Variants in RAPGEF2 observed in about 807,000 individuals in gnomAD.
RAPGEF2 encodes Rap guanine nucleotide exchange factor 2, also known as PDZ domain containing guanine nucleotide exchange factor (GEF) 1.
Under a neutral mutation model 186.7 loss-of-function variants are expected in RAPGEF2, and 54 were observed. The observed-to-expected ratio is 0.29, with a 90% CI of 0.23 to 0.36. The LOEUF (loss-of-function observed/expected upper bound fraction) is 0.36. Among genes scored for constraint, RAPGEF2 ranks in the 10% least tolerant of loss-of-function variants. The probability of loss-of-function intolerance (pLI) is 1.00; values close to 1 mark genes in which losing one functional copy is unlikely to be tolerated. For missense variants in RAPGEF2, 1,532 were observed against 2,045.0 expected, an observed-to-expected ratio of 0.75 and a Z score of 4.84; for synonymous variants, 712 against 705.9, an observed-to-expected ratio of 1.01 and a Z score of -0.14.
At chr4:159,140,976 C>T (rs558188877) in intron 1 of RAPGEF2, among the ~76,000 whole-genome samples, 3 of 152,090 alleles carry the variant, frequency 2.0e-5, no homozygotes, top group South Asian at 2.1e-4. Flanking sequence ...GGACTGGAGG[C>T]GCCTGCCACC....
intron 20 of RAPGEF2, among the ~76,000 whole-genome samples, chr4:159,342,558 T>C (rs55902837): frequency 2.1e-5 from 1 of 48,556 alleles, no homozygotes; most frequent in Non-Finnish European, 5.0e-5. Flanking sequence ...TTTATATTAT[T>C]TTATTTTATT....
intron 1 of RAPGEF2, among the ~76,000 whole-genome samples, chr4:159,121,454 T>TCACTTGGACTCAAG (rs1346708027): frequency 2.0e-5 from 3 of 151,594 alleles, no homozygotes; most frequent in Non-Finnish European, 4.4e-5. Context: ...GCAGCCTCAA[T>TCACTTGGACTCAAG]CTCTTGGACT....
intron 3 of RAPGEF2, among the ~76,000 whole-genome samples, chr4:159,198,363 C>CTT (rs1351601997): frequency 7.8e-6 from 1 of 127,858 alleles, no homozygotes; most frequent in Non-Finnish European, 1.7e-5. Context: ...TCCTTCCTTC[C>CTT]TTTTTTTCTT....
chr4:159,190,946 C>A lies in RAPGEF2; in HGVS notation c.141-2254C>A, dbSNP rs550119941. 2.0e-5 allele frequency among the ~76,000 whole-genome samples: 3 copies of A among 152,314 alleles called. No individual in the cohort carries two copies. In the South Asian group the frequency reaches 6.2e-4, roughly 32 times the overall value. The stretch of plus-strand genomic sequence containing the variant: ...ATATTTTGGGGGAGAAATTCATATT[C>A]TGTCTTAGATATTGTAAGCATGAGG... On this transcript the variant is annotated intron_variant, in intron 2 of 29. Transcript: ENST00000691494.
intron 3 of RAPGEF2, among the ~76,000 whole-genome samples, chr4:159,202,605 C>G (rs952271984): frequency 2.0e-5 from 3 of 152,030 alleles, no homozygotes; most frequent in African/African-American, 7.2e-5. Flanking sequence ...GCTTTTCTTT[C>G]TTTCTTCGTT....
rs181528053 is a variant in RAPGEF2 at position 159,159,993 on chromosome 4, A to G, written c.70-26649A>G. 2.0e-5 allele frequency among the ~76,000 whole-genome samples: 3 copies of G among 152,360 alleles called. No homozygotes were observed. In the East Asian group the frequency reaches 5.8e-4, roughly 29 times the overall value. On this transcript the variant is annotated intron_variant, in intron 1 of 29. Coordinates refer to ENST00000691494, the MANE Select transcript of RAPGEF2 (RefSeq NM_001394067.2). ...TCTATATGGAAAAAAACCCACATTT[A>G]AACTCTAATAGCTAAGTATGAAATG...
At chr4:159,133,429 T>G (rs1019358117) in intron 1 of RAPGEF2, among the ~76,000 whole-genome samples, 3 of 152,044 alleles carry the variant, frequency 2.0e-5, no homozygotes, top group African/African-American at 7.2e-5. Context: ...ATTTTTTTTT[T>G]TTTTCAGAGT....
intron 7 of RAPGEF2, among the ~76,000 whole-genome samples, chr4:159,262,820 CAG>C (rs765014199): frequency 5.8e-5 from 8 of 137,670 alleles, no homozygotes; most frequent in Non-Finnish European, 1.2e-4. Context: ...AGTTTGCCGT[CAG>C]AAACTTTTTT....
At chr4:159,216,252 C>A (rs75649354) in intron 4 of RAPGEF2, among the ~76,000 whole-genome samples, 1 of 151,922 alleles carries the variant, frequency 6.6e-6, no homozygotes, top group East Asian at 1.9e-4. Flanking sequence ...GGCGATGAGG[C>A]GGTTGCATAG....
chr4:159,327,671 C>T lies in RAPGEF2; in HGVS notation c.1150-2187C>T, dbSNP rs1046225949. ...GATTCTCTCAAAAAAAAAAAAAACTCAAAGATTTTCAACTGACTTCATCAT... is the reference window on the plus strand; with the variant it reads ...GATTCTCTCAAAAAAAAAAAAAACTTAAAGATTTTCAACTGACTTCATCAT... On this transcript the variant is annotated intron_variant, in intron 11 of 29. Coordinates refer to ENST00000691494, the MANE Select transcript of RAPGEF2 (RefSeq NM_001394067.2). The T allele has an allele frequency of 2.7e-5, 4 of 149,448 alleles. No homozygotes were observed. In the East Asian group the frequency reaches 7.8e-4, roughly 29 times the overall value. The allele number at this position is 149,448 out of a possible 1,614,324, so 9.3% of individuals were successfully genotyped here.
intron 1 of RAPGEF2, among the ~76,000 whole-genome samples, chr4:159,179,741 G>T (rs978179994): frequency 6.6e-6 from 1 of 152,160 alleles, no homozygotes; most frequent in Non-Finnish European, 1.5e-5. Flanking sequence ...GAAAGGAGTG[G>T]GGGTAGCTCC....
chr4:159,124,250 A>G (rs1740038438), intron 1 of RAPGEF2, among the ~76,000 whole-genome samples: 1 of 151,800 alleles, frequency 6.6e-6, no homozygotes, highest in African/African-American at 2.4e-5. Context: ...CACAATATCT[A>G]GTAAGTCGGC....
chr4:159,357,516 T>G (rs1410473845), intron 29 of RAPGEF2, among the ~76,000 whole-genome samples: 2 of 152,172 alleles, frequency 1.3e-5, no homozygotes, highest in Non-Finnish European at 2.9e-5. Flanking sequence ...CTTTAAAGTT[T>G]TCAGTTTAAC....
chr4:159,337,095 T>A (rs187021147), intron 17 of RAPGEF2, among the ~76,000 whole-genome samples: 46 of 152,342 alleles, frequency 3.0e-4, no homozygotes, highest in Admixed American at 2.6e-3. Context: ...AGGCTTTTTA[T>A]AAATGGAAAT....
intron 4 of RAPGEF2, among the ~76,000 whole-genome samples, chr4:159,230,530 A>G (rs1019085610): frequency 2.6e-5 from 4 of 152,176 alleles, no homozygotes; most frequent in African/African-American, 9.6e-5. Flanking sequence ...TATCTTGGTA[A>G]GTGGTATTAT....
At position 159,240,692 on chromosome 4, in the gene RAPGEF2, G is replaced by A. The variant is rs1474082980; in HGVS notation, c.358-509G>A. ...AACACTATTTATAAAAAAAGAAACC[G>A]AAGTCATGGAATGAAAGTAGAAGGA... On this transcript the variant is annotated intron_variant, in intron 5 of 29. Transcript: ENST00000691494. 4.0e-5 allele frequency among the ~76,000 whole-genome samples: 6 copies of A among 151,786 alleles called. No individual in the cohort carries two copies. The East Asian group carries it at 7.7e-4, about 20-fold the overall frequency.
chr4:159,184,738 T>G (rs553617200), intron 1 of RAPGEF2, among the ~76,000 whole-genome samples: 15 of 152,336 alleles, frequency 9.8e-5, no homozygotes, highest in Admixed American at 5.9e-4. Context: ...CAGAAGCTCT[T>G]TAGTTTAATT....
At chr4:159,147,794 C>A (rs1287287821) in intron 1 of RAPGEF2, among the ~76,000 whole-genome samples, 2 of 152,190 alleles carry the variant, frequency 1.3e-5, no homozygotes, top group African/African-American at 4.8e-5. Flanking sequence ...TGACTTTAGT[C>A]AAGATACCTA....
chr4:159,351,198 C>G, intron 26 of RAPGEF2: 4 of 1,524,690 alleles, frequency 2.6e-6, no homozygotes, highest in Non-Finnish European at 3.5e-6. Context: ...TTTATAGAAC[C>G]AAAAATGGGG....
Sources: gnomAD v4.1 joint callset for allele counts (sites outside exome capture counted in the v4.1 genomes callset) on GRCh38, gnomAD v4.1.1 for gene constraint, MANE v1.5 for transcripts, NCBI Gene and HGNC (gene_info 2026-07-23, HGNC 2026-07-21) for gene names.